The following PAK3 variants were observed in gnomAD, a reference collection of about 807,000 sequenced individuals.
PAK3 encodes p21 (RAC1) activated kinase 3.
PAK3 carries 4 observed loss-of-function variants against 41.0 expected under a neutral mutation model. That is an observed-to-expected ratio of 0.10 (90% confidence interval 0.05 to 0.22). PAK3 has a LOEUF of 0.22. PAK3 is among the 10% of genes least tolerant of loss of function. The pLI, the probability that PAK3 is intolerant of heterozygous loss-of-function variation, is 1.00. For synonymous variants in PAK3, 146 were observed against 139.6 expected, an observed-to-expected ratio of 1.05 and a Z score of -0.32; for missense variants, 205 against 409.9, an observed-to-expected ratio of 0.50 and a Z score of 4.32.
intron 1 of PAK3, 82 bp from the exon 2 acceptor site, chrX:111,097,308 T>G (rs2093024013): frequency 1.2e-5 from 1 of 85,018 alleles, no homozygotes; most frequent in African/African-American, 4.4e-5. Flanking sequence ...GGGTGGGGGA[T>G]GGTGGGAAGA....
intron 11 of PAK3, among the ~76,000 whole-genome samples, chrX:111,185,893 C>T (rs1246846222): frequency 9.0e-6 from 1 of 110,867 alleles, no homozygotes; most frequent in Non-Finnish European, 1.9e-5. Flanking sequence ...CAAAAATCCC[C>T]AATAAAATAC....
intron 1 of PAK3, among the ~76,000 whole-genome samples, chrX:110,989,164 G>A (rs1030181051): frequency 9.0e-6 from 1 of 111,421 alleles, no homozygotes; most frequent in African/African-American, 3.3e-5. Context: ...GTTCATTATG[G>A]TCCTGTGGGA....
chrX:110,988,029 G>A (rs1257371794), intron 1 of PAK3, among the ~76,000 whole-genome samples: 1 of 112,651 alleles, frequency 8.9e-6, no homozygotes, highest in Admixed American at 9.4e-5. Context: ...GCACTGGTGT[G>A]GAGTATGCAT....
At chrX:111,127,794 G>A (rs950735650) in intron 5 of PAK3, among the ~76,000 whole-genome samples, 2 of 111,323 alleles carry the variant, frequency 1.8e-5, no homozygotes, top group African/African-American at 3.3e-5. Context: ...GCTCCATTTC[G>A]TGTTCCTATC....
At chrX:111,099,995 A>T in intron 3 of PAK3, among the ~76,000 whole-genome samples, 1 of 108,984 alleles carries the variant, frequency 9.2e-6, no homozygotes, top group East Asian at 3.0e-4. Flanking sequence ...CCCCACAACC[A>T]CATATATTTC....
intron 4 of PAK3, among the ~76,000 whole-genome samples, chrX:111,112,133 A>C (rs1342693321): frequency 9.0e-6 from 1 of 111,677 alleles, no homozygotes; most frequent in African/African-American, 3.3e-5. Flanking sequence ...TAATCATGCT[A>C]TCTCACCACT....
chrX:111,020,623 G>A (rs2092163308), intron 1 of PAK3, among the ~76,000 whole-genome samples: 1 of 111,435 alleles, frequency 9.0e-6, no homozygotes, highest in South Asian at 3.9e-4. Context: ...ACTACCACAG[G>A]AACATACCAG....
At chrX:111,172,009 C>T (rs755786195) in intron 10 of PAK3, among the ~76,000 whole-genome samples, 8 of 111,578 alleles carry the variant, frequency 7.2e-5, no homozygotes, top group African/African-American at 2.6e-4. Context: ...CATTTCCATC[C>T]CCACACCCTT....
chrX:111,041,091 G>A (rs959473433), intron 1 of PAK3, among the ~76,000 whole-genome samples: 1 of 112,668 alleles, frequency 8.9e-6, no homozygotes. Context: ...CCTGGCTGAC[G>A]CATTTGCCAC....
chrX:111,083,665 A>C (rs1167619412), intron 1 of PAK3, among the ~76,000 whole-genome samples: 5 of 111,663 alleles, frequency 4.5e-5, no homozygotes, highest in Non-Finnish European at 9.4e-5. Flanking sequence ...TTCTTCCTCT[A>C]TTTTCATCTC....
At chrX:111,208,786 T>C (rs1057382197) in intron 16 of PAK3, among the ~76,000 whole-genome samples, 12 of 111,869 alleles carry the variant, frequency 1.1e-4, no homozygotes, top group African/African-American at 3.9e-4. Flanking sequence ...ATTTACATTG[T>C]ATTAGGTAGG....
intron 1 of PAK3, among the ~76,000 whole-genome samples, chrX:111,050,678 C>G (rs1190671741): frequency 8.9e-6 from 1 of 112,100 alleles, no homozygotes; most frequent in East Asian, 2.8e-4. Context: ...CTGTTGGCAG[C>G]AATCTCAGAT....
At chrX:111,095,750 C>A (rs1400331433), upstream of PAK3, among the ~76,000 whole-genome samples, 1 of 111,688 alleles carries the variant, frequency 9.0e-6, no homozygotes, top group Non-Finnish European at 1.9e-5. Flanking sequence ...ACCTGCCTGG[C>A]TGACAGGTGG....
chrX:111,217,925 C>A (rs1057253740), intron 17 of PAK3, among the ~76,000 whole-genome samples: 2 of 112,456 alleles, frequency 1.8e-5, no homozygotes, highest in Admixed American at 9.4e-5. Context: ...CTAAATAGAT[C>A]ATTAAATCAA....
At chrX:111,100,365 G>A (rs1213550232) in intron 3 of PAK3, among the ~76,000 whole-genome samples, 3 of 111,247 alleles carry the variant, frequency 2.7e-5, no homozygotes, top group Non-Finnish European at 5.7e-5. Flanking sequence ...GCACAACAGT[G>A]CCCTCTAGTG....
At chrX:111,170,776 C>T (rs1269863003) in intron 10 of PAK3, among the ~76,000 whole-genome samples, 2 of 110,876 alleles carry the variant, frequency 1.8e-5, no homozygotes, top group African/African-American at 6.5e-5. Flanking sequence ...AGGGGGAGCA[C>T]ATGCAAAGCC....
intron 11 of PAK3, 84 bp from the exon 12 acceptor site, chrX:111,192,043 T>G (rs1306866819): frequency 1.7e-5 from 10 of 605,136 alleles, no homozygotes; most frequent in Admixed American, 9.8e-5. Context: ...TTTCCTCCCC[T>G]CAAAATAATT....
At chrX:111,156,558 T>C (rs1156909437) in intron 8 of PAK3, among the ~76,000 whole-genome samples, 1 of 112,253 alleles carries the variant, frequency 8.9e-6, no homozygotes, top group Non-Finnish European at 1.9e-5. Flanking sequence ...TATGTCTTTT[T>C]GCATCATAAA....
At chrX:110,997,885 A>G (rs2091769300) in intron 1 of PAK3, among the ~76,000 whole-genome samples, 1 of 111,366 alleles carries the variant, frequency 9.0e-6, no homozygotes, top group Admixed American at 9.6e-5. Flanking sequence ...TCCTTCCACT[A>G]CGTGAGGACA....
Sources: allele counts gnomAD v4.1 joint callset (sites outside exome capture counted in the v4.1 genomes callset), GRCh38; gene constraint gnomAD v4.1.1; transcripts MANE v1.5; gene names NCBI Gene and HGNC (gene_info 2026-07-23, HGNC 2026-07-21).